Variants in POLE observed in about 807,000 individuals in gnomAD.
POLE encodes the protein DNA polymerase epsilon catalytic subunit A.
POLE carries 188 observed loss-of-function variants against 279.2 expected under a neutral mutation model. The observed-to-expected ratio is 0.67, with a 90% CI of 0.60 to 0.76. The LOEUF (loss-of-function observed/expected upper bound fraction) is 0.76, where lower values mean the gene tolerates loss of function less well. Ranked by LOEUF, POLE falls within the 30% of genes least tolerant of loss-of-function variation. POLE has a pLI of 0.00. For missense variants in POLE, 2,703 were observed against 3,016.7 expected (o/e 0.90, Z 2.44); for synonymous variants, 1,214 against 1,172.5 (o/e 1.04, Z -0.72).
At chr12:132,632,218 G>T in intron 45 of POLE, 97 bp downstream of exon 45, 1 of 906,300 alleles carries the variant, frequency 1.1e-6, no homozygotes, top group Non-Finnish European at 1.7e-6. Flanking sequence ...GCACGTTCAT[G>T]GTGCACGCAT....
In POLE at chr12:132,677,580, C is replaced by A. The variant is rs371882716; in HGVS notation, c.718G>T (p.Val240Leu). The change falls in exon 7 of 49, where the codon GTG becomes TTG. Residue 240 changes from valine to leucine, a missense_variant and splice_region_variant. Physicochemically the swap from Val to Leu is conservative, Grantham distance 32. Transcript: ENST00000320574. ...IRLSIDLKIH[V>L]AHWYNVRYRG... The stretch of plus-strand genomic sequence containing the variant: ...CGACCCAACCCTGCCCCACTCACCA[C>A]GTGGATCTTCAGGTCAATGGAGAGG... 1 of 1,614,038 alleles carries A rather than the reference C, an allele frequency of 6.2e-7. No individual in the cohort carries two copies. Among genetic ancestry groups the A allele is most frequent in the South Asian group, 1.1e-5 (1 of 91,078 alleles).
chr12:132,647,265 C>T (rs1593744393), intron 32 of POLE, among the ~76,000 whole-genome samples: 1 of 152,010 alleles, frequency 6.6e-6, no homozygotes, highest in African/African-American at 2.4e-5. Context: ...TGCCACTGCA[C>T]TCCAGCCTGG....
At chr12:132,628,722 T>G (rs1392310254) in intron 45 of POLE, among the ~76,000 whole-genome samples, 1 of 152,122 alleles carries the variant, frequency 6.6e-6, no homozygotes, top group Non-Finnish European at 1.5e-5. Flanking sequence ...GAAAAGCCAC[T>G]CTTTATCTGT....
At chr12:132,676,354 C>A (rs570296521) in intron 9 of POLE, 150 bp from the exon 10 acceptor site, 2 of 723,356 alleles carry the variant, frequency 2.8e-6, no homozygotes, top group Non-Finnish European at 4.8e-6. Flanking sequence ...TGAGAAGAGA[C>A]GCTCTGTGTG....
rs2043161643 is a variant in POLE, at chr12:132,681,250, G to A, written c.92C>T (p.Ala31Val). The change falls in exon 2 of 49, where the codon GCA (alanine) becomes GTA (valine). Residue 31 changes from alanine (A) to valine (V), a missense_variant. Physicochemically the swap from Ala to Val is moderately conservative, Grantham distance 64. Transcript: ENST00000320574. ...CTGACTCCGTTCCAGGCGCTTGAGT[G>A]CCGAAACTGAGGAAGTGGCGCCATC... is the stretch of plus-strand genomic sequence containing the variant. The part of the protein sequence containing the change: ...RDDGATSSVS[A>V]LKRLERSQWT... The A allele has an allele frequency of 6.2e-7, 1 of 1,614,198 alleles. No homozygotes were observed. Among genetic ancestry groups the A allele is most frequent in the Non-Finnish European group, 8.5e-7 (1 of 1,180,020 alleles).
chr12:132,644,017 G>A, intron 32 of POLE, 40 bp from the exon 33 acceptor site: 1 of 1,599,282 alleles, frequency 6.3e-7, no homozygotes, highest in Non-Finnish European at 8.6e-7. Flanking sequence ...CTGGGCGTAA[G>A]TGGTAATGTC....
rs761684406 is a variant in POLE, at chr12:132,649,450, G to A, written c.3861C>T (p.Leu1287=). 1.6e-5 allele frequency: 25 copies of A among 1,612,382 alleles called. No homozygotes were observed. The highest frequency in any genetic ancestry group is 3.3e-5 in the Admixed American group (2 of 60,014). Residue 1287 remains leucine (L), a synonymous_variant, in exon 31 of 49, where the codon CTC becomes CTT. Transcript: ENST00000320574. ...CCAGACGCTGCCTCTTCCTGCGGGC[G>A]AGGCGCTGCCGGGCCTGCAGCTGCC... The part of the protein sequence containing the change: ...KKWQLQARQR[L]ARRKRQRLES...
rs372609836 is a variant in POLE, at chr12:132,663,994, C to T, written c.2706+10G>A. 7 of 1,613,584 alleles carry T rather than the reference C, an allele frequency of 4.3e-6. No homozygotes were observed. The highest frequency in any genetic ancestry group is 5.1e-6 in the Non-Finnish European group (6 of 1,180,018). On this transcript the variant is annotated intron_variant, in intron 23 of 48. Coordinates refer to ENST00000320574, the MANE Select transcript of POLE (RefSeq NM_006231.4). ...AGCCAGAGCTTCAGGACCAGAGGCC[C>T]CAGACTCACCTTGACCATGATGTTC...
rs770751491 is a variant in POLE at position 132,632,742 on chromosome 12, G to C, written c.6058C>G (p.Pro2020Ala). 2 of 1,613,324 alleles carry C rather than the reference G, an allele frequency of 1.2e-6. No homozygotes were observed. Among genetic ancestry groups the C allele is most frequent in the Non-Finnish European group, 1.7e-6 (2 of 1,179,984 alleles). Residue 2020 changes from proline to alanine, a missense_variant, in exon 44 of 49, where the codon CCA (proline) becomes GCA (alanine). By Grantham distance (27) the Pro-to-Ala change is conservative. Coordinates refer to ENST00000320574, the MANE Select transcript of POLE (RefSeq NM_006231.4). ...CMKDGLRRSA[P>A]GSTPVRRRGA... is the part of the protein sequence containing the mutation. Reference sequence around the variant, plus strand: ...CTCCTCCTCACGGGGGTGCTCCCTGGAGCACTGCGCCTCAGCCCGTCCTTC... The same window carrying C: ...CTCCTCCTCACGGGGGTGCTCCCTGCAGCACTGCGCCTCAGCCCGTCCTTC...
chr12:132,625,451 G>C (rs760284119), intron 47 of POLE, 194 bp downstream of exon 47: 1 of 800,678 alleles, frequency 1.2e-6, no homozygotes, highest in Non-Finnish European at 2.2e-6. Context: ...GCCAGCTCTT[G>C]ACCCAAGGCA....
chr12:132,682,681 G>A (rs2043194892), intron 1 of POLE, among the ~76,000 whole-genome samples: 2 of 152,152 alleles, frequency 1.3e-5, no homozygotes, highest in Non-Finnish European at 2.9e-5. Flanking sequence ...GCCAGGCGCA[G>A]TGGCTCACAA....
At position 132,673,291 on chromosome 12, in the gene POLE, G is replaced by T; in HGVS notation, c.1360-14C>A. The T allele has an allele frequency of 6.5e-7, 1 of 1,539,722 alleles. No homozygotes were observed. Among genetic ancestry groups the T allele is most frequent in the Non-Finnish European group, 9.0e-7 (1 of 1,112,232 alleles). ...CGTGGCCAGAGTCTGAGGAGAGAAC[G>T]CCAGAGAGCAGGGCCATCAAAAATC... On this transcript the variant is annotated splice_polypyrimidine_tract_variant and intron_variant, in intron 13 of 48. Transcript: ENST00000320574.
At chr12:132,672,463 T>C (rs1202092005) in intron 15 of POLE, 141 bp from the exon 16 acceptor site, 2 of 1,011,590 alleles carry the variant, frequency 2.0e-6, no homozygotes, top group Non-Finnish European at 3.0e-6. Flanking sequence ...TGCAGTGCAC[T>C]GCCCTAAAGA....
chr12:132,641,359 C>A (rs2042136932), intron 39 of POLE: 1 of 484,838 alleles, frequency 2.1e-6, no homozygotes, highest in Non-Finnish European at 3.8e-6. Context: ...CTGTGATGTA[C>A]CTTTGGTCAC....
chr12:132,687,038 C>A (rs2043289566), intron 1 of POLE, among the ~76,000 whole-genome samples: 1 of 151,648 alleles, frequency 6.6e-6, no homozygotes, highest in African/African-American at 2.4e-5. Context: ...CGGCCCGCCT[C>A]GTTTCCCCGC....
intron 45 of POLE, among the ~76,000 whole-genome samples, chr12:132,629,123 C>T (rs967268968): frequency 3.3e-5 from 5 of 152,210 alleles, no homozygotes; most frequent in Non-Finnish European, 5.9e-5. Flanking sequence ...ATGCTGTGTC[C>T]GCAGGCATGA....
intron 19 of POLE, 58 bp from the exon 20 acceptor site, chr12:132,667,706 C>T (rs2042829014): frequency 1.3e-6 from 2 of 1,580,480 alleles, no homozygotes; most frequent in Admixed American, 1.7e-5. Flanking sequence ...GCAGAGGGAG[C>T]CAGGGCACAG....
At chr12:132,659,199 G>T in intron 26 of POLE, 96 bp downstream of exon 26, 1 of 1,298,068 alleles carries the variant, frequency 7.7e-7, no homozygotes, top group Non-Finnish European at 1.1e-6. Flanking sequence ...ACCTCTCTGT[G>T]ATGAGGGGAG....
rs200621883 is a variant in POLE at position 132,668,416 on chromosome 12, G to A, written c.2113C>T (p.Arg705Trp). 9 of 1,612,610 alleles carry A rather than the reference G, an allele frequency of 5.6e-6. No homozygotes were observed. The highest frequency in any genetic ancestry group is 2.2e-5 in the East Asian group (1 of 44,832). The change falls in exon 19 of 49, where the codon CGG becomes TGG. Residue 705 changes from arginine (R) to tryptophan (W), a missense_variant. By Grantham distance (101) the Arg-to-Trp change is moderately radical. This residue lies in a region of POLE where 1,011 missense variants were observed against 1,111.7 expected (regional missense o/e 0.91). Transcript: ENST00000320574. This position sits in a 1 kb window ranked among gnomAD's most constrained non-coding sequence, Gnocchi z 4.0. The stretch of plus-strand genomic sequence containing the variant: ...TCGCGGGACAGTTCATGAAAGGCCC[G>A]AGCTGGCCCCTCTGGGAACAAGGGG... The part of the protein sequence containing the change: ...FPPLFPEGPA[R>W]AFHELSREEQ...
Sources: gnomAD v4.1 joint callset for allele counts (sites outside exome capture counted in the v4.1 genomes callset) on GRCh38, gnomAD v4.1.1 for gene constraint, gnomAD v4.1.1 regional missense constraint, Gnocchi (gnomAD v3.1) non-coding constraint, MANE v1.5 for transcripts, NCBI Gene and HGNC (gene_info 2026-07-23, HGNC 2026-07-21) for gene names.